Variants in IARS2 observed in about 807,000 individuals in gnomAD.
IARS2 encodes isoleucine--tRNA ligase, mitochondrial.
A neutral mutation model predicts 126.3 loss-of-function variants in IARS2; 56 were observed. That is an observed-to-expected ratio of 0.44 (90% CI 0.36 to 0.55). The LOEUF is 0.55. Ranked by LOEUF, IARS2 falls within the 20% of genes least tolerant of loss-of-function variation. The probability of loss-of-function intolerance (pLI) is 0.00; values close to 1 mark genes in which losing one functional copy is unlikely to be tolerated. For missense variants in IARS2, 1,127 were observed against 1,245.9 expected (o/e 0.90, Z 1.44); for synonymous variants, 407 against 441.1 (o/e 0.92, Z 0.97).
rs762455726 is a variant in IARS2 at position 220,125,269 on chromosome 1, A to T, written c.1673A>T (p.Glu558Val). ...QTTEHIVKLV[E>V]QHGSDIWWTL... ...ACTGAGCATATTGTTAAACTAGTGG[A>T]ACAACACGGCAGTGATATCTGGTGG... The change falls in exon 13 of 23, where the codon GAA becomes GTA. Residue 558 changes from glutamate (E) to valine (V), a missense_variant. Coordinates refer to ENST00000366922, the MANE Select transcript of IARS2 (RefSeq NM_018060.4). The T allele has an allele frequency of 1.9e-6, 3 of 1,613,606 alleles. No individual in the cohort carries two copies. The South Asian group carries it at 3.3e-5, about 18-fold the overall frequency.
chr1:220,116,660 G>A (rs1260366323), intron 12 of IARS2, among the ~76,000 whole-genome samples: 1 of 152,084 alleles, frequency 6.6e-6, no homozygotes, highest in East Asian at 1.9e-4. Flanking sequence ...TATTGTTGCT[G>A]TGGTGTTCTT....
In IARS2 at chr1:220,145,321, G is replaced by A. The variant is rs148853417; in HGVS notation, c.2752-188G>A. Among the ~76,000 whole-genome samples the A allele has an allele frequency of 4.7e-3, 716 of 152,262 alleles. 3 individuals are homozygous for A. Among genetic ancestry groups the A allele is most frequent in the Admixed American group, 6.9e-3 (106 of 15,294 alleles). The stretch of plus-strand genomic sequence containing the variant: ...CCTGGCATTCTCAATAAATACTGTT[G>A]ATGGAAATATTTAGTTAAAACCTTT... On this transcript the variant is annotated intron_variant, in intron 21 of 22. Transcript: ENST00000366922.
At position 220,142,359 on chromosome 1, in the gene IARS2, C is replaced by T. The variant is rs188681371; in HGVS notation, c.2560+411C>T. ...ACTAAAAATATAAAAATTAGTGGGG[C>T]ATGGTGGTGGCGGGTGCCTGTAGTC... is the stretch of plus-strand genomic sequence containing the variant. On this transcript the variant is annotated intron_variant, in intron 20 of 22. Coordinates refer to ENST00000366922, the MANE Select transcript of IARS2 (RefSeq NM_018060.4). Among the ~76,000 whole-genome samples, 302 of 152,146 alleles carry T rather than the reference C, an allele frequency of 2.0e-3. 1 individual carries two copies. The highest frequency in any genetic ancestry group is 6.6e-3 in the African/African-American group (275 of 41,510).
At chr1:220,120,023 G>A (rs908639778) in intron 12 of IARS2, among the ~76,000 whole-genome samples, 4 of 149,778 alleles carry the variant, frequency 2.7e-5, no homozygotes, top group African/African-American at 9.8e-5. Context: ...GCTCAAGTTT[G>A]TGGGTTATAT....
chr1:220,114,194 AAGGGAG>A, intron 11 of IARS2, 114 bp from the exon 12 acceptor site: 1 of 800,880 alleles, frequency 1.2e-6, no homozygotes, highest in Non-Finnish European at 2.1e-6. Context: ...AGGGGAGGGT[AAGGGAG>A]GTATGTGAAT....
At chr1:220,112,608 G>T (rs1318829368) in intron 11 of IARS2, among the ~76,000 whole-genome samples, 1 of 146,842 alleles carries the variant, frequency 6.8e-6, no homozygotes, top group African/African-American at 2.5e-5. Flanking sequence ...ACCCAGGCTG[G>T]AGTGCAGTGG....
intron 12 of IARS2, among the ~76,000 whole-genome samples, chr1:220,117,134 G>GC (rs1656929135): frequency 4.1e-5 from 4 of 96,572 alleles, no homozygotes; most frequent in Admixed American, 2.1e-4. Flanking sequence ...ACACTGGAAA[G>GC]TTTTTTTTTT....
Position 220,102,861 on chromosome 1 carries a change from G to T in IARS2, c.950+84G>T, listed in dbSNP as rs887437954. On this transcript the variant is annotated intron_variant, in intron 7 of 22. Coordinates refer to ENST00000366922, the MANE Select transcript of IARS2 (RefSeq NM_018060.4). ...CATTATTTTGAATTTATTTTATCCT[G>T]TTTATTATTGTAAAATTTAATGAAT... is the stretch of plus-strand genomic sequence containing the variant. 5 of 782,126 alleles carry T rather than the reference G, an allele frequency of 6.4e-6. No individual in the cohort carries two copies. In the African/African-American group the frequency reaches 7.0e-5, roughly 11 times the overall value. The allele number at this position is 782,126 out of a possible 1,614,324, so 48.4% of individuals were successfully genotyped here. A position where few individuals can be genotyped will look rare whatever the true frequency, so the allele number is the denominator to read the frequency against.
At chr1:220,126,975 G>A in intron 14 of IARS2, 132 bp downstream of exon 14, 6 of 617,702 alleles carry the variant, frequency 9.7e-6, no homozygotes, top group Admixed American at 3.3e-5. Context: ...TTTAGACCTC[G>A]AAAGACCCTT....
In IARS2 at chr1:220,112,334, C is replaced by T. The variant is rs1299076329; in HGVS notation, c.1479+1397C>T. ...TATTTTTAGTAGAGACGGGGTTTCA[C>T]CTTGTTAGCCAGGATGGTCTCGATC... On this transcript the variant is annotated intron_variant, in intron 11 of 22. Transcript: ENST00000366922. Among the ~76,000 whole-genome samples, 3 of 74,952 alleles carry T rather than the reference C, an allele frequency of 4.0e-5. 1 individual carries two copies. Among genetic ancestry groups the T allele is most frequent in the African/African-American group, 1.7e-4 (3 of 17,240 alleles). The allele number at this position is 74,952 out of a possible 152,430, so 49.2% of individuals were successfully genotyped here. A position where few individuals can be genotyped will look rare whatever the true frequency, so the allele number is the denominator to read the frequency against.
intron 8 of IARS2, 99 bp from the exon 9 acceptor site, chr1:220,105,792 C>G (rs898267420): frequency 8.1e-6 from 8 of 987,578 alleles, no homozygotes; most frequent in South Asian, 1.5e-5. Flanking sequence ...CAGTATTGTT[C>G]TAGATTCTGC....
Position 220,097,524 on chromosome 1 carries a change from C to T in IARS2, c.390+1298C>T, listed in dbSNP as rs1320554153. 4.0e-5 allele frequency among the ~76,000 whole-genome samples: 6 copies of T among 151,680 alleles called. No individual in the cohort carries two copies. The East Asian group carries it at 5.8e-4, about 15-fold the overall frequency. ...GACTACAGGCGCCTGCCACCACGCC[C>T]GGCTAATTTTTTGTATTTTTAGTAG... On this transcript the variant is annotated intron_variant, in intron 2 of 22. Transcript: ENST00000366922.
Position 220,147,475 on chromosome 1 carries a change from T to G in IARS2, c.2897-18T>G, listed in dbSNP as rs1657625173. ...GTTGAATGCCTATCAGAAATACTCT[T>G]CATGTATTTTTTTATAGGTGGTGAT... is the stretch of plus-strand genomic sequence containing the variant. On this transcript the variant is annotated intron_variant, in intron 22 of 22. Transcript: ENST00000366922. 4 of 1,611,628 alleles carry G rather than the reference T, an allele frequency of 2.5e-6. No homozygotes were observed. In the Admixed American group the frequency reaches 5.0e-5, roughly 20 times the overall value.
At chr1:220,120,019 G>A (rs17007139) in intron 12 of IARS2, among the ~76,000 whole-genome samples, 7,825 of 150,038 alleles carry the variant, frequency 0.052, 287 homozygotes, top group East Asian at 0.11. Flanking sequence ...CCTAGCTCAA[G>A]TTTGTGGGTT....
chr1:220,098,466 G>A (rs1435256468), intron 2 of IARS2, among the ~76,000 whole-genome samples: 1 of 152,012 alleles, frequency 6.6e-6, no homozygotes, highest in African/African-American at 2.4e-5. Flanking sequence ...GCCCCTAAAT[G>A]TCATTTTCTA....
At chr1:220,120,152 G>T (rs1657008359) in intron 12 of IARS2, among the ~76,000 whole-genome samples, 1 of 150,788 alleles carries the variant, frequency 6.6e-6, no homozygotes, top group African/African-American at 2.4e-5. Flanking sequence ...TGGGATCTTG[G>T]CTAACTGCAA....
intron 12 of IARS2, 104 bp from the exon 13 acceptor site, chr1:220,125,133 G>A: frequency 1.6e-6 from 1 of 619,828 alleles, no homozygotes; most frequent in Non-Finnish European, 2.7e-6. Flanking sequence ...TCAAACTAAG[G>A]TTTGAGGAAA....
At chr1:220,131,947 AC>A (rs1657277862) in intron 14 of IARS2, among the ~76,000 whole-genome samples, 1 of 151,294 alleles carries the variant, frequency 6.6e-6, no homozygotes, top group African/African-American at 2.4e-5. Context: ...ACAGGCATCC[AC>A]CACCATGCCT....
chr1:220,142,628 A>C (rs893199943), intron 20 of IARS2, among the ~76,000 whole-genome samples: 15 of 152,126 alleles, frequency 9.9e-5, no homozygotes, highest in Non-Finnish European at 2.1e-4. Context: ...GAAGTGTAGG[A>C]AGAGGGGGAA....
Sources: gnomAD v4.1 joint callset for allele counts (sites outside exome capture counted in the v4.1 genomes callset) on GRCh38, gnomAD v4.1.1 for gene constraint, MANE v1.5 for transcripts, NCBI Gene and HGNC (gene_info 2026-07-23, HGNC 2026-07-21) for gene names.